The following CDH13 variants were observed in gnomAD, a reference collection of about 807,000 sequenced individuals.
CDH13 encodes the protein cadherin 13, also known as cadherin-13.
A neutral mutation model predicts 63.8 loss-of-function variants in CDH13; 24 were observed. The observed-to-expected ratio is 0.38, with a 90% CI of 0.27 to 0.53. The LOEUF is 0.53. Among genes scored for constraint, CDH13 ranks in the 20% least tolerant of loss-of-function variants. CDH13 has a pLI of 0.85. For missense variants in CDH13, 1,049 were observed against 903.1 expected (o/e 1.16, Z -2.07); for synonymous variants, 503 against 355.3 (o/e 1.42, Z -4.67).
chr16:83,039,446 A>G (rs1457528833), intron 3 of CDH13, among the ~76,000 whole-genome samples: 1 of 152,102 alleles, frequency 6.6e-6, no homozygotes, highest in Non-Finnish European at 1.5e-5. Context: ...CCATCCCAAG[A>G]AAGGATCTCC....
intron 1 of CDH13, among the ~76,000 whole-genome samples, chr16:82,734,182 A>C (rs1238694069): frequency 6.6e-6 from 1 of 152,252 alleles, no homozygotes; most frequent in Non-Finnish European, 1.5e-5. Flanking sequence ...ACTTGTTTTC[A>C]TGAATAAAGT....
chr16:82,976,497 A>G (rs187715099), intron 2 of CDH13, among the ~76,000 whole-genome samples: 18 of 152,210 alleles, frequency 1.2e-4, no homozygotes, highest in African/African-American at 3.4e-4. Context: ...CTCATCATAG[A>G]TTAAAATAAT....
chr16:83,389,279 C>A (rs980970821), intron 6 of CDH13, among the ~76,000 whole-genome samples: 1 of 152,100 alleles, frequency 6.6e-6, no homozygotes, highest in African/African-American at 2.4e-5. Flanking sequence ...TTTAGCGTAT[C>A]TTAACGTTTT....
At position 82,923,368 on chromosome 16, in the gene CDH13, G is replaced by T. The variant is rs139132967; in HGVS notation, c.157+64895G>T. On this transcript the variant is annotated intron_variant, in intron 2 of 13. Coordinates refer to ENST00000567109, the MANE Select transcript of CDH13 (RefSeq NM_001257.5). ...ACATTTGGTTTATAGTAAGGGTTCA[G>T]TACATAAGCATATTTACTGCTGTTA... Among the ~76,000 whole-genome samples the T allele has an allele frequency of 3.3e-5, 5 of 152,204 alleles. No individual in the cohort carries two copies. In the South Asian group the frequency reaches 1.0e-3, roughly 32 times the overall value.
intron 11 of CDH13, among the ~76,000 whole-genome samples, chr16:83,760,896 G>C (rs79459987): frequency 6.6e-6 from 1 of 152,198 alleles, no homozygotes; most frequent in African/African-American, 2.4e-5. Flanking sequence ...CCAAGGAAGG[G>C]CAATCCCTGT....
intron 1 of CDH13, among the ~76,000 whole-genome samples, chr16:82,717,842 C>G (rs1373757417): frequency 1.3e-5 from 2 of 148,568 alleles, no homozygotes; most frequent in African/African-American, 5.0e-5. Flanking sequence ...ATTCAGCCTA[C>G]TGTAGTAGGG....
At chr16:83,363,331 A>G (rs373588738) in intron 6 of CDH13, among the ~76,000 whole-genome samples, 4 of 152,206 alleles carry the variant, frequency 2.6e-5, no homozygotes, top group Non-Finnish European at 5.9e-5. Context: ...CATATAAAGC[A>G]GTATTTAAAT....
At position 83,486,412 on chromosome 16, in the gene CDH13, A is replaced by C. The variant is rs1220501864; in HGVS notation, c.782-65A>C. 7.0e-6 allele frequency: 10 copies of C among 1,436,340 alleles called. No individual in the cohort carries two copies. In the East Asian group the frequency reaches 2.3e-4, roughly 33 times the overall value. 89.0% of individuals were successfully genotyped at this position (1,436,340 alleles called of 1,614,324 possible). On this transcript the variant is annotated intron_variant, in intron 6 of 13. Transcript: ENST00000567109. ...CTGCACTGCTATTGCCCAGGTGGGG[A>C]AGGGGCTCTGGCCGTTGTTGACCCA... is the stretch of plus-strand genomic sequence containing the variant.
intron 4 of CDH13, among the ~76,000 whole-genome samples, chr16:83,174,417 A>G (rs9930198): frequency 1 from 151,375 of 152,120 alleles, 75,323 homozygotes; most frequent in Middle Eastern, 1. Flanking sequence ...ATGTTTCAGA[A>G]TTACTTAGAG....
intron 6 of CDH13, among the ~76,000 whole-genome samples, chr16:83,475,285 G>A (rs975563036): frequency 6.6e-6 from 1 of 152,228 alleles, no homozygotes; most frequent in Non-Finnish European, 1.5e-5. Flanking sequence ...GTGCAGGCAA[G>A]AGTGCTGTGT....
At chr16:83,372,578 C>T (rs140720405) in intron 6 of CDH13, among the ~76,000 whole-genome samples, 3 of 151,480 alleles carry the variant, frequency 2.0e-5, no homozygotes, top group African/African-American at 7.3e-5. Context: ...ATGGTGAAAC[C>T]CCATCTCTAC....
At chr16:82,748,946 G>A (rs767629207) in intron 1 of CDH13, among the ~76,000 whole-genome samples, 9 of 152,296 alleles carry the variant, frequency 5.9e-5, no homozygotes, top group East Asian at 1.9e-4. Flanking sequence ...CGGTCTCAGC[G>A]ATTGATCTAG....
intron 8 of CDH13, among the ~76,000 whole-genome samples, chr16:83,609,998 T>C (rs1908709565): frequency 6.6e-6 from 1 of 152,238 alleles, no homozygotes; most frequent in African/African-American, 2.4e-5. Flanking sequence ...CTGGCTTCTT[T>C]CACTTAGCAT....
At chr16:83,373,604 G>C (rs35692478) in intron 6 of CDH13, among the ~76,000 whole-genome samples, 21,610 of 152,220 alleles carry the variant, frequency 0.14, 2,023 homozygotes, top group Middle Eastern at 0.3. Context: ...TTGGAGAGAG[G>C]CAGGCATCAT....
intron 3 of CDH13, among the ~76,000 whole-genome samples, chr16:83,082,423 G>A (rs1754215090): frequency 1.3e-5 from 2 of 151,906 alleles, no homozygotes; most frequent in African/African-American, 4.8e-5. Context: ...TCAGGAGTTT[G>A]AGACCAGCCT....
chr16:83,451,223 A>G (rs769461910), intron 6 of CDH13, among the ~76,000 whole-genome samples: 1 of 152,218 alleles, frequency 6.6e-6, no homozygotes, highest in African/African-American at 2.4e-5. Flanking sequence ...TTAATGACTC[A>G]CAGTTCCACA....
chr16:82,842,091 CATATATATATATATAT>C, intron 1 of CDH13, among the ~76,000 whole-genome samples: 1 of 41,676 alleles, frequency 2.4e-5, no homozygotes, highest in South Asian at 8.4e-4. Context: ...TTGCATTCTA[CATATATATATATATAT>C]ATATGTATAT....
At chr16:82,873,048 T>C (rs1370958787) in intron 2 of CDH13, among the ~76,000 whole-genome samples, 1 of 152,134 alleles carries the variant, frequency 6.6e-6, no homozygotes, top group Non-Finnish European at 1.5e-5. Flanking sequence ...GGTCATATGA[T>C]AGAGATTTCT....
At chr16:82,725,671 C>A (rs1368420586) in intron 1 of CDH13, among the ~76,000 whole-genome samples, 1 of 152,078 alleles carries the variant, frequency 6.6e-6, no homozygotes, top group Non-Finnish European at 1.5e-5. Flanking sequence ...ATACATTGTA[C>A]CTTTATTTTT....
Sources: gnomAD v4.1 joint callset for allele counts (sites outside exome capture counted in the v4.1 genomes callset) on GRCh38, gnomAD v4.1.1 for gene constraint, MANE v1.5 for transcripts, NCBI Gene and HGNC (gene_info 2026-07-23, HGNC 2026-07-21) for gene names.